The following ABR variants were observed in gnomAD, a reference collection of about 807,000 sequenced individuals.
ABR encodes the protein active breakpoint cluster region-related protein.
Under a neutral mutation model 107.2 loss-of-function variants are expected in ABR, and 35 were observed. The observed-to-expected ratio is 0.33, with a 90% CI of 0.25 to 0.43. ABR has a LOEUF of 0.43. Among genes scored for constraint, ABR ranks in the 20% least tolerant of loss-of-function variants. The probability of loss-of-function intolerance (pLI) is 1.00; values close to 1 mark genes in which losing one functional copy is unlikely to be tolerated. For synonymous variants in ABR, 498 were observed against 462.0 expected, an observed-to-expected ratio of 1.08 and a Z score of -1.00; for missense variants, 815 against 1,115.2, an observed-to-expected ratio of 0.73 and a Z score of 3.83.
In ABR at chr17:1,125,203, G is replaced by C; in HGVS notation, c.226C>G (p.Pro76Ala). 1 of 1,596,522 alleles carries C rather than the reference G, an allele frequency of 6.3e-7. No individual in the cohort carries two copies. The highest frequency in any genetic ancestry group is 1.3e-5 in the African/African-American group (1 of 74,438). Residue 76 changes from proline to alanine, a missense_variant, in exon 2 of 23, where the codon CCT (proline) becomes GCT (alanine). Coordinates refer to ENST00000302538, the MANE Select transcript of ABR (RefSeq NM_021962.5). ...GGGDGVSPTPPEGLAPGVEAG... is the reference protein window; with the variant it reads ...GGGDGVSPTPAEGLAPGVEAG... ...CCTACCCCAGGAGCCAGTCCCTCAG[G>C]TGGAGTCGGGGAGACGCCATCCCCC...
At chr17:1,056,299 C>G (rs570487488) in intron 13 of ABR, among the ~76,000 whole-genome samples, 190 bp from the exon 14 acceptor site, 38 of 152,132 alleles carry the variant, frequency 2.5e-4, no homozygotes, top group African/African-American at 8.9e-4. Flanking sequence ...CGGGGTAGGG[C>G]TAGGGGGTCC....
chr17:1,012,550 C>T (rs1181209478), intron 18 of ABR, 138 bp downstream of exon 18: 1 of 724,166 alleles, frequency 1.4e-6, no homozygotes, highest in South Asian at 1.5e-5. Context: ...TAGATCCACA[C>T]CGGCCATCTG....
At chr17:1,128,307 C>T (rs79453531) in intron 1 of ABR, among the ~76,000 whole-genome samples, 2,871 of 152,306 alleles carry the variant, frequency 0.019, 40 homozygotes, top group Non-Finnish European at 0.026. Flanking sequence ...CAGTCTCCGA[C>T]GGCCACAGGT....
intron 1 of ABR, among the ~76,000 whole-genome samples, chr17:1,129,571 T>G (rs898776378): frequency 6.6e-6 from 1 of 152,098 alleles, no homozygotes; most frequent in African/African-American, 2.4e-5. Context: ...AAAAGATTCA[T>G]GCACTTCAGC....
At position 1,070,841 on chromosome 17, in the gene ABR, G is replaced by A. The variant is rs1047391222; in HGVS notation, c.895-751C>T. ...GTGTGACCTACATCTGCTGTAATAC[G>A]TAGGTGAGCGTATTCAAAGTATACA... On this transcript the variant is annotated intron_variant, in intron 8 of 22. Transcript: ENST00000302538. This position sits in a 1 kb window ranked among gnomAD's most constrained non-coding sequence, Gnocchi z 4.2. 2.0e-5 allele frequency among the ~76,000 whole-genome samples: 3 copies of A among 152,132 alleles called. No individual in the cohort carries two copies. The highest frequency in any genetic ancestry group is 7.2e-5 in the African/African-American group (3 of 41,442).
intron 16 of ABR, among the ~76,000 whole-genome samples, chr17:1,033,258 T>C (rs1356634366): frequency 6.6e-6 from 1 of 152,192 alleles, no homozygotes; most frequent in Non-Finnish European, 1.5e-5. Context: ...CTTGGTGTTT[T>C]TGAGGAATAG....
rs2041083310 is a variant in ABR at position 1,157,313 on chromosome 17, C to T, written c.61+22354G>A. Among the ~76,000 whole-genome samples the T allele has an allele frequency of 6.7e-6, 1 of 149,312 alleles. No individual in the cohort carries two copies. Among genetic ancestry groups the T allele is most frequent in the African/African-American group, 2.5e-5 (1 of 40,294 alleles). On this transcript the variant is annotated intron_variant, in intron 1 of 22. Transcript: ENST00000302538. The surrounding 1 kb of genome is among the most constrained non-coding windows in gnomAD (Gnocchi z 4.7). ...TCGCCCAGGCTGGAGTGCAAAGGTG[C>T]AACCTTAGCTCACTGCAACCTCCAC...
At chr17:1,104,123 G>A (rs997983052) in intron 2 of ABR, among the ~76,000 whole-genome samples, 1 of 152,146 alleles carries the variant, frequency 6.6e-6, no homozygotes, top group African/African-American at 2.4e-5. Context: ...CTGCCACGCT[G>A]CCTACCTGTC....
At chr17:1,169,064 G>A (rs1489205831) in intron 1 of ABR, among the ~76,000 whole-genome samples, 2 of 152,220 alleles carry the variant, frequency 1.3e-5, no homozygotes, top group Non-Finnish European at 2.9e-5. Context: ...TAACTACCAA[G>A]GCTTTCTGCT....
intron 16 of ABR, among the ~76,000 whole-genome samples, chr17:1,044,399 C>T (rs985277590): frequency 1.3e-5 from 2 of 152,204 alleles, no homozygotes; most frequent in African/African-American, 4.8e-5. Context: ...CCTGTAATCC[C>T]AGCACTTTGG....
intron 2 of ABR, among the ~76,000 whole-genome samples, chr17:1,123,959 C>T (rs1045167307): frequency 6.6e-6 from 1 of 152,180 alleles, no homozygotes; most frequent in South Asian, 2.1e-4. Flanking sequence ...ACCCCCTCGC[C>T]GGCCCCCTTG....
intron 2 of ABR, among the ~76,000 whole-genome samples, chr17:1,112,477 A>G (rs2038730091): frequency 6.6e-6 from 1 of 152,132 alleles, no homozygotes; most frequent in East Asian, 1.9e-4. Flanking sequence ...CGCACCTGAA[A>G]TCTCAGGTAC....
chr17:1,195,803 C>CA (rs35449308), intron 1 of ABR, among the ~76,000 whole-genome samples: 98,588 of 142,668 alleles, frequency 0.69, 34,969 homozygotes, highest in East Asian at 0.86. Context: ...GACTCTGTCT[C>CA]AAAAAAAAAA....
chr17:1,014,385 G>A (rs530268013), intron 16 of ABR, among the ~76,000 whole-genome samples: 2 of 143,130 alleles, frequency 1.4e-5, no homozygotes, highest in African/African-American at 5.2e-5. Context: ...AGCTTGCAGT[G>A]AGCCGAGATC....
Position 1,010,096 on chromosome 17 carries a change from T to C in ABR, c.2237-312A>G, listed in dbSNP as rs1194854531. The C allele has an allele frequency of 4.3e-6, 2 of 468,450 alleles. No individual in the cohort carries two copies. Among genetic ancestry groups the C allele is most frequent in the African/African-American group, 3.9e-5 (2 of 51,644 alleles). The allele number at this position is 468,450 out of a possible 1,614,324, so 29.0% of individuals were successfully genotyped here. On this transcript the variant is annotated intron_variant, in intron 20 of 22. Coordinates refer to ENST00000302538, the MANE Select transcript of ABR (RefSeq NM_021962.5). This position sits in a 1 kb window ranked among gnomAD's most constrained non-coding sequence, Gnocchi z 4.1. The stretch of plus-strand genomic sequence containing the variant: ...GTAACAGGACACCCCCTGGTCTGTG[T>C]GGCTAAGGTTAAGCCAGTAGGGACA...
In ABR at chr17:1,179,853, G is replaced by C; in HGVS notation, c.-126C>G. 1 of 1,017,796 alleles carries C rather than the reference G, an allele frequency of 9.8e-7. No homozygotes were observed. The highest frequency in any genetic ancestry group is 1.3e-6 in the Non-Finnish European group (1 of 757,524). The allele number at this position is 1,017,796 out of a possible 1,614,324, so 63.0% of individuals were successfully genotyped here. Reference sequence around the variant, plus strand: ...GAGGGGCGAGGAGGCCGGGAACCAGGTCCCCGGGAGGAGCGCGGGGCGGCC... The same window carrying C: ...GAGGGGCGAGGAGGCCGGGAACCAGCTCCCCGGGAGGAGCGCGGGGCGGCC... On this transcript the variant is annotated 5_prime_UTR_variant, in exon 1 of 23. Coordinates refer to ENST00000302538, the MANE Select transcript of ABR (RefSeq NM_021962.5). This position sits in a 1 kb window ranked among gnomAD's most constrained non-coding sequence, Gnocchi z 4.9.
chr17:1,145,939 A>G (rs2040507483), intron 1 of ABR, among the ~76,000 whole-genome samples: 1 of 152,200 alleles, frequency 6.6e-6, no homozygotes, highest in East Asian at 1.9e-4. Context: ...TCGGCTCAAA[A>G]TGCTGGCTCT....
upstream of ABR, among the ~76,000 whole-genome samples, chr17:1,188,140 G>A (rs900949168): frequency 3.3e-5 from 5 of 151,990 alleles, no homozygotes; most frequent in African/African-American, 7.3e-5. Context: ...ACTTGAGATC[G>A]AGGCTGCAGT....
chr17:1,227,777 T>A (rs1407717216), intron 1 of ABR, among the ~76,000 whole-genome samples: 6 of 151,726 alleles, frequency 4.0e-5, no homozygotes, highest in Non-Finnish European at 7.4e-5. Flanking sequence ...AGCAAAGGGC[T>A]CCCACGCCAC....
Sources: allele counts gnomAD v4.1 joint callset (sites outside exome capture counted in the v4.1 genomes callset), GRCh38; gene constraint gnomAD v4.1.1; non-coding constraint Gnocchi (gnomAD v3.1); transcripts MANE v1.5; gene names NCBI Gene and HGNC (gene_info 2026-07-23, HGNC 2026-07-21).